The following DGKB variants were observed in gnomAD, a reference collection of about 807,000 sequenced individuals.
DGKB encodes 90 kDa diacylglycerol kinase.
Under a neutral mutation model 114.3 loss-of-function variants are expected in DGKB, and 67 were observed. The ratio of observed to expected loss-of-function variants is 0.59; its 90% CI spans 0.48 to 0.72. The LOEUF is 0.72. DGKB is among the 30% of genes least tolerant of loss of function. DGKB has a pLI of 0.00. For synonymous variants in DGKB, 398 were observed against 323.1 expected, an observed-to-expected ratio of 1.23 and a Z score of -2.49; for missense variants, 907 against 975.2, an observed-to-expected ratio of 0.93 and a Z score of 0.93.
chr7:14,392,995 G>GTTTTGTTTTTTGTTTTTTTTT (rs1554404749), intron 21 of DGKB, among the ~76,000 whole-genome samples: 7 of 60,546 alleles, frequency 1.2e-4, no homozygotes, highest in African/African-American at 3.4e-4. Context: ...TTTTGTTTTT[G>GTTTTGTTTTTTGTTTTTTTTT]TTTTTTTTTT....
chr7:14,184,556 C>T (rs984852953), intron 23 of DGKB, among the ~76,000 whole-genome samples: 1 of 152,084 alleles, frequency 6.6e-6, no homozygotes, highest in African/African-American at 2.4e-5. Context: ...CAGCCATAAT[C>T]CTCCTAGGTA....
chr7:14,901,760 G>A (rs1449074758), intron 1 of DGKB, among the ~76,000 whole-genome samples: 1 of 151,958 alleles, frequency 6.6e-6, no homozygotes, highest in African/African-American at 2.4e-5. Flanking sequence ...TGTTTATTTG[G>A]TCATTTGCTT....
chr7:14,973,830 TATAAAA>T (rs1787639432), intron 1 of DGKB, among the ~76,000 whole-genome samples: 2 of 148,214 alleles, frequency 1.3e-5, no homozygotes, highest in Non-Finnish European at 3.0e-5. Context: ...ATAAATTACA[TATAAAA>T]ATAAATCTAA....
At chr7:14,886,608 A>C (rs1435728308) in intron 1 of DGKB, among the ~76,000 whole-genome samples, 2 of 151,862 alleles carry the variant, frequency 1.3e-5, no homozygotes, top group Non-Finnish European at 2.9e-5. Flanking sequence ...ATTTCACTTC[A>C]TAAATATCAC....
chr7:14,966,796 G>A (rs1414464340), intron 1 of DGKB, among the ~76,000 whole-genome samples: 6 of 151,936 alleles, frequency 3.9e-5, no homozygotes, highest in Non-Finnish European at 7.4e-5. Flanking sequence ...ACACTATAAA[G>A]ATAAATAATT....
intron 1 of DGKB, among the ~76,000 whole-genome samples, chr7:14,858,223 C>T (rs1321370517): frequency 1.3e-5 from 2 of 152,158 alleles, no homozygotes; most frequent in Non-Finnish European, 2.9e-5. Flanking sequence ...TACAATGCTG[C>T]TTCGCTGGAA....
chr7:14,783,321 C>A (rs146751722), intron 2 of DGKB, among the ~76,000 whole-genome samples: 7 of 152,144 alleles, frequency 4.6e-5, no homozygotes, highest in Non-Finnish European at 7.4e-5. Flanking sequence ...TTTCAAAACT[C>A]GGATTCACTT....
intron 13 of DGKB, among the ~76,000 whole-genome samples, chr7:14,652,223 G>A (rs1286170543): frequency 4.0e-5 from 6 of 151,582 alleles, no homozygotes; most frequent in Non-Finnish European, 8.8e-5. Flanking sequence ...CAAAGCTGGA[G>A]GCATCACACT....
chr7:14,556,595 T>G (rs1430863395), intron 20 of DGKB, among the ~76,000 whole-genome samples: 1 of 152,184 alleles, frequency 6.6e-6, no homozygotes, highest in Non-Finnish European at 1.5e-5. Context: ...TTTTTTTCAA[T>G]TAGTTTTTAA....
Position 14,147,195 on chromosome 7 carries a change from C to T in DGKB, c.*1936G>A, listed in dbSNP as rs2128206689. 6.6e-6 allele frequency: 1 copy of T among 152,154 alleles called. No individual in the cohort carries two copies. Among genetic ancestry groups the T allele is most frequent in the East Asian group, 1.9e-4 (1 of 5,182 alleles). The allele number at this position is 152,154 out of a possible 1,614,324, so 9.4% of individuals were successfully genotyped here. A position where few individuals can be genotyped will look rare whatever the true frequency, so the allele number is the denominator to read the frequency against. On this transcript the variant is annotated 3_prime_UTR_variant, in exon 26 of 26. Coordinates refer to ENST00000402815, the MANE Select transcript of DGKB (RefSeq NM_001350709.2). ...TTACTGTTTTGAGATTTCTTTCTTT[C>T]TTTTGGTCTGGATTACTCTTCTGCC...
chr7:14,434,054 C>T (rs1312393972), intron 21 of DGKB, among the ~76,000 whole-genome samples: 1 of 152,136 alleles, frequency 6.6e-6, no homozygotes, highest in Non-Finnish European at 1.5e-5. Context: ...TTTAGCACTT[C>T]AGAGTTTAAG....
At chr7:14,715,212 A>G (rs6965205) in intron 6 of DGKB, among the ~76,000 whole-genome samples, 110,537 of 152,054 alleles carry the variant, frequency 0.73, 40,411 homozygotes, top group East Asian at 0.99. Flanking sequence ...AAAAGTAGGA[A>G]AGTGAGAAGT....
At chr7:14,166,349 C>T (rs1404089577) in intron 25 of DGKB, among the ~76,000 whole-genome samples, 1 of 152,118 alleles carries the variant, frequency 6.6e-6, no homozygotes, top group Non-Finnish European at 1.5e-5. Context: ...GATGTTTTCT[C>T]AAATTGGGTA....
chr7:14,942,946 T>C (rs1413432031), intron 1 of DGKB, among the ~76,000 whole-genome samples: 2 of 151,968 alleles, frequency 1.3e-5, no homozygotes, highest in Non-Finnish European at 2.9e-5. Context: ...CATTTGCTCA[T>C]TGTCTGTTTT....
At chr7:14,274,942 AGTGT>A (rs10538591) in intron 23 of DGKB, among the ~76,000 whole-genome samples, 14,055 of 146,098 alleles carry the variant, frequency 0.096, 2,043 homozygotes, top group African/African-American at 0.32. Context: ...AGTCCATAGC[AGTGT>A]GTGTGTGTGT....
chr7:14,231,131 C>CTTTCTTTCTT (rs1791758927), intron 23 of DGKB, among the ~76,000 whole-genome samples: 4 of 125,848 alleles, frequency 3.2e-5, no homozygotes, highest in African/African-American at 8.7e-5. Context: ...TTCTTTCTTT[C>CTTTCTTTCTT]TTTCTTTCTT....
At chr7:14,641,540 A>T (rs1811804301) in intron 13 of DGKB, among the ~76,000 whole-genome samples, 1 of 151,066 alleles carries the variant, frequency 6.6e-6, no homozygotes, top group African/African-American at 2.4e-5. Context: ...TAAACCCTGA[A>T]TTCATGTTTG....
At chr7:14,791,764 T>C (rs1431486394) in intron 2 of DGKB, among the ~76,000 whole-genome samples, 2 of 152,216 alleles carry the variant, frequency 1.3e-5, no homozygotes, top group East Asian at 3.8e-4. Context: ...CTCATATCCC[T>C]GCACTAAACC....
chr7:14,711,125 G>A (rs1000819020), intron 6 of DGKB, among the ~76,000 whole-genome samples: 2 of 151,988 alleles, frequency 1.3e-5, no homozygotes, highest in Admixed American at 6.6e-5. Flanking sequence ...AGGTTGGTCT[G>A]AAAATCCCTA....
Sources: gnomAD v4.1 joint callset for allele counts (sites outside exome capture counted in the v4.1 genomes callset) on GRCh38, gnomAD v4.1.1 for gene constraint, MANE v1.5 for transcripts, NCBI Gene and HGNC (gene_info 2026-07-23, HGNC 2026-07-21) for gene names.